The following GPD2 variants were observed in gnomAD, a reference collection of about 807,000 sequenced individuals.
GPD2 encodes glycerol-3-phosphate dehydrogenase 2.
In GPD2, 54 loss-of-function variants were observed where a neutral mutation model predicts 82.4. The ratio of observed to expected loss-of-function variants is 0.66; its 90% CI spans 0.53 to 0.82. The LOEUF (loss-of-function observed/expected upper bound fraction) is 0.82. GPD2 is among the 40% of genes least tolerant of loss of function. The pLI, the probability that GPD2 is intolerant of heterozygous loss-of-function variation, is 0.00. For missense variants in GPD2, 748 were observed against 896.2 expected, an observed-to-expected ratio of 0.83 and a Z score of 2.11; for synonymous variants, 288 against 306.1, an observed-to-expected ratio of 0.94 and a Z score of 0.62.
chr2:156,474,961 A>G (rs1683454447), intron 1 of GPD2, among the ~76,000 whole-genome samples: 1 of 151,608 alleles, frequency 6.6e-6, no homozygotes, highest in East Asian at 1.9e-4. Context: ...AGAAGAAGAA[A>G]GAAAGAAAAA....
chr2:156,480,839 C>T (rs1186919350), intron 2 of GPD2, among the ~76,000 whole-genome samples: 2 of 149,566 alleles, frequency 1.3e-5, no homozygotes, highest in Non-Finnish European at 3.0e-5. Context: ...GTGCCAGGGG[C>T]ATGATCTCAG....
At chr2:156,512,627 G>A (rs1685043083) in intron 5 of GPD2, among the ~76,000 whole-genome samples, 1 of 152,146 alleles carries the variant, frequency 6.6e-6, no homozygotes, top group Admixed American at 6.6e-5. Flanking sequence ...GAACATAAGA[G>A]GATCATGTGC....
the GPD2 span, among the ~76,000 whole-genome samples, chr2:156,427,643 T>A: frequency 6.6e-6 from 1 of 152,218 alleles, no homozygotes; most frequent in Non-Finnish European, 1.5e-5. Flanking sequence ...TCTAGAAAGA[T>A]AGATTGGCAT....
chr2:156,519,182 A>G (rs1685304198), intron 6 of GPD2, among the ~76,000 whole-genome samples: 1 of 151,922 alleles, frequency 6.6e-6, no homozygotes. Context: ...ACTGATATTT[A>G]CTTTTGGAAT....
At chr2:156,522,143 G>A (rs1395461201) in intron 6 of GPD2, among the ~76,000 whole-genome samples, 1 of 152,040 alleles carries the variant, frequency 6.6e-6, no homozygotes. Flanking sequence ...TCCAGCATAT[G>A]TTTTAGCTTC....
intron 8 of GPD2, among the ~76,000 whole-genome samples, chr2:156,555,017 A>C (rs1179141301): frequency 6.6e-6 from 1 of 152,246 alleles, no homozygotes; most frequent in African/African-American, 2.4e-5. Flanking sequence ...GCCTTGTTGC[A>C]TTGCGTATAC....
chr2:156,426,563 G>A, the GPD2 span, among the ~76,000 whole-genome samples: 1 of 152,288 alleles, frequency 6.6e-6, no homozygotes, highest in East Asian at 1.9e-4. Flanking sequence ...TGTATCCCTA[G>A]AACAATAGAA....
At chr2:156,497,535 G>A (rs1331827832) in intron 3 of GPD2, among the ~76,000 whole-genome samples, 2 of 152,050 alleles carry the variant, frequency 1.3e-5, no homozygotes, top group Non-Finnish European at 2.9e-5. Context: ...TTATTAGATG[G>A]AATAATTCTT....
At chr2:156,433,467 C>A (rs1253757744), upstream of GPD2, among the ~76,000 whole-genome samples, 5 of 152,210 alleles carry the variant, frequency 3.3e-5, no homozygotes, top group Non-Finnish European at 7.3e-5. Flanking sequence ...ACAGCTCCAA[C>A]TCCCTATGAT....
At chr2:156,401,558 T>G in the GPD2 span, among the ~76,000 whole-genome samples, 3 of 152,204 alleles carry the variant, frequency 2.0e-5, no homozygotes. Context: ...TTTTATTATT[T>G]TACCTATTCA....
intron 6 of GPD2, among the ~76,000 whole-genome samples, chr2:156,541,643 T>C (rs1389776995): frequency 6.6e-6 from 1 of 152,120 alleles, no homozygotes; most frequent in Admixed American, 6.5e-5. Context: ...GGTTTATCAA[T>C]GAATTTAGTG....
the GPD2 span, among the ~76,000 whole-genome samples, chr2:156,426,146 A>G: frequency 6.6e-6 from 1 of 151,988 alleles, no homozygotes; most frequent in Non-Finnish European, 1.5e-5. Flanking sequence ...GATAGTCTCG[A>G]TCTCCTGACC....
intron 6 of GPD2, among the ~76,000 whole-genome samples, chr2:156,520,681 C>A (rs1017982621): frequency 6.6e-6 from 1 of 151,892 alleles, no homozygotes; most frequent in Non-Finnish European, 1.5e-5. Flanking sequence ...ACCTCCCGGG[C>A]TCAAGCCATT....
At chr2:156,415,326 T>G in the GPD2 span, among the ~76,000 whole-genome samples, 479 of 151,916 alleles carry the variant, frequency 3.2e-3, 1 homozygote, top group African/African-American at 0.011. Flanking sequence ...TCCCGGCTAT[T>G]TTTTCGTATT....
At chr2:156,519,738 T>A (rs1261248453) in intron 6 of GPD2, among the ~76,000 whole-genome samples, 2 of 152,228 alleles carry the variant, frequency 1.3e-5, no homozygotes, top group Admixed American at 6.5e-5. Context: ...GTGGCTCGAT[T>A]ACCTGGCCGG....
chr2:156,481,934 A>G (rs1181932240), intron 2 of GPD2, among the ~76,000 whole-genome samples: 1 of 152,172 alleles, frequency 6.6e-6, no homozygotes, highest in East Asian at 1.9e-4. Flanking sequence ...GAGTGACTAT[A>G]GGTGATTTTC....
chr2:156,519,756 A>C (rs1294333824), intron 6 of GPD2, among the ~76,000 whole-genome samples: 2 of 152,192 alleles, frequency 1.3e-5, no homozygotes, highest in Non-Finnish European at 2.9e-5. Flanking sequence ...CGGGTGCTCA[A>C]ACCCCTTGTG....
At chr2:156,481,265 T>G (rs757907736) in intron 2 of GPD2, among the ~76,000 whole-genome samples, 3 of 152,194 alleles carry the variant, frequency 2.0e-5, no homozygotes, top group Non-Finnish European at 4.4e-5. Context: ...TCAGGGTAAT[T>G]AGCATATCCA....
At chr2:156,548,775 G>T (rs896241280) in intron 6 of GPD2, among the ~76,000 whole-genome samples, 2 of 151,994 alleles carry the variant, frequency 1.3e-5, no homozygotes, top group African/African-American at 4.8e-5. Context: ...AATACATCTA[G>T]CCCTGGATAA....
Sources: gnomAD v4.1 joint callset for allele counts (sites outside exome capture counted in the v4.1 genomes callset) on GRCh38, gnomAD v4.1.1 for gene constraint, MANE v1.5 for transcripts, NCBI Gene and HGNC (gene_info 2026-07-23, HGNC 2026-07-21) for gene names.